CDC34: variants seen among roughly 807,000 people sequenced by gnomAD.
CDC34 encodes the protein cell division cycle 34, ubiquitin conjugating enzyme, also known as ubiquitin-conjugating enzyme E2 R1.
A neutral mutation model predicts 26.8 loss-of-function variants in CDC34; 18 were observed. The observed-to-expected ratio is 0.67, with a 90% CI of 0.47 to 1.00. The LOEUF is 1.00. Among genes scored for constraint, CDC34 ranks in the 50% least tolerant of loss-of-function variants. The pLI, the probability that CDC34 is intolerant of heterozygous loss-of-function variation, is 0.00. For missense variants in CDC34, 280 were observed against 334.5 expected (o/e 0.84, Z 1.27); for synonymous variants, 178 against 147.5 (o/e 1.21, Z -1.50).
chr19:533,248 C>T (rs1390283828), intron 1 of CDC34, among the ~76,000 whole-genome samples: 1 of 152,306 alleles, frequency 6.6e-6, no homozygotes, highest in Middle Eastern at 3.4e-3. Context: ...ACCGTCACTT[C>T]CTGCCAAGAG....
chr19:535,385 C>T (rs1054930104), intron 1 of CDC34, among the ~76,000 whole-genome samples: 2 of 152,254 alleles, frequency 1.3e-5, no homozygotes, highest in Non-Finnish European at 2.9e-5. Flanking sequence ...GCTAACCCTC[C>T]CCACACCCTG....
At chr19:534,197 A>G (rs1026333803) in intron 1 of CDC34, among the ~76,000 whole-genome samples, 4 of 152,104 alleles carry the variant, frequency 2.6e-5, no homozygotes, top group African/African-American at 7.2e-5. Flanking sequence ...GTCTTGGGGA[A>G]CCGCAGGACA....
chr19:533,680 G>A (rs372336362), intron 1 of CDC34, among the ~76,000 whole-genome samples: 6 of 152,246 alleles, frequency 3.9e-5, no homozygotes, highest in Non-Finnish European at 7.3e-5. Context: ...CCACCAGACC[G>A]GTTGCCAGGG....
intron 1 of CDC34, 57 bp from the exon 2 acceptor site, chr19:535,780 G>GC (rs1179710208): frequency 1.5e-6 from 2 of 1,375,068 alleles, no homozygotes; most frequent in Non-Finnish European, 1.0e-6. Flanking sequence ...CACCTTGTGA[G>GC]CTGGGGCAGG....
chr19:541,837 G>A lies in CDC34; in HGVS notation c.*285G>A, dbSNP rs1297910051. Reference sequence around the variant, plus strand: ...AGGGGAGCTGAGCCCGACTTCTACCGGGGTCCCCCAGCTTCCGGACTGGCC... The same window carrying A: ...AGGGGAGCTGAGCCCGACTTCTACCAGGGTCCCCCAGCTTCCGGACTGGCC... On this transcript the variant is annotated 3_prime_UTR_variant, in exon 5 of 5. Transcript: ENST00000215574. The A allele has an allele frequency of 2.3e-5, 6 of 257,194 alleles. No individual in the cohort carries two copies. Among genetic ancestry groups the A allele is most frequent in the Middle Eastern group, 1.1e-3 (1 of 876 alleles). The allele number at this position is 257,194 out of a possible 1,614,324, so 15.9% of individuals were successfully genotyped here.
chr19:541,584 C>A lies in CDC34; in HGVS notation c.*32C>A. The A allele has an allele frequency of 6.5e-7, 1 of 1,536,018 alleles. No individual in the cohort carries two copies. The highest frequency in any genetic ancestry group is 8.8e-7 in the Non-Finnish European group (1 of 1,138,642). On this transcript the variant is annotated 3_prime_UTR_variant, in exon 5 of 5. Transcript: ENST00000215574. Reference sequence around the variant, plus strand: ...CAGAATAAACTTGCCGAGTTTACCTCACTAGGGCCGGACCCGTGGCTCCTT... The same window carrying A: ...CAGAATAAACTTGCCGAGTTTACCTAACTAGGGCCGGACCCGTGGCTCCTT...
intron 4 of CDC34, among the ~76,000 whole-genome samples, chr19:538,005 A>G (rs1979839075): frequency 6.6e-6 from 1 of 151,762 alleles, no homozygotes; most frequent in Non-Finnish European, 1.5e-5. Flanking sequence ...AGTTTAACGC[A>G]TGTCTGTGCT....
rs1165104526 is a variant in CDC34 at position 541,427 on chromosome 19, G to T, written c.586G>T (p.Ala196Ser). The change falls in exon 5 of 5, where the codon GCG (alanine) becomes TCG (serine). Residue 196 changes from alanine (A) to serine (S), a missense_variant. Ala to Ser is a moderately conservative substitution (Grantham distance 99). Coordinates refer to ENST00000215574, the MANE Select transcript of CDC34 (RefSeq NM_004359.2). ...TLAEYCVKTK[A>S]PAPDEGSDLF... ...GGCCGAGTACTGCGTGAAGACCAAG[G>T]CGCCGGCGCCCGACGAGGGCTCAGA... 1 of 1,612,642 alleles carries T rather than the reference G, an allele frequency of 6.2e-7. No individual in the cohort carries two copies. The highest frequency in any genetic ancestry group is 1.7e-5 in the Admixed American group (1 of 59,996).
intron 3 of CDC34, chr19:536,805 C>T (rs1979776842): frequency 6.6e-6 from 4 of 607,812 alleles, no homozygotes; most frequent in Non-Finnish European, 1.2e-5. Context: ...ACCTTGCTGC[C>T]CTCCCTGGTC....
chr19:536,378 C>T lies in CDC34; in HGVS notation c.362+38C>T, dbSNP rs556361125. 1.8e-5 allele frequency: 27 copies of T among 1,488,686 alleles called. 1 individual carries two copies. In the South Asian group the frequency reaches 3.0e-4, roughly 17 times the overall value. 92.2% of individuals were successfully genotyped at this position (1,488,686 alleles called of 1,614,324 possible). ...AACCCCCTGTGTCCACCCAGAACATCAGGTAGGCCGGGCTCCGTCCCGTAT... is the reference window on the plus strand; with the variant it reads ...AACCCCCTGTGTCCACCCAGAACATTAGGTAGGCCGGGCTCCGTCCCGTAT... On this transcript the variant is annotated intron_variant, in intron 3 of 4. Transcript: ENST00000215574.
chr19:538,032 G>A (rs1240543437), intron 4 of CDC34, among the ~76,000 whole-genome samples: 1 of 152,108 alleles, frequency 6.6e-6, no homozygotes, highest in African/African-American at 2.4e-5. Flanking sequence ...AAGAAATGGG[G>A]TCGTGCTGTG....
chr19:539,105 A>G, intron 4 of CDC34: 1 of 790,888 alleles, frequency 1.3e-6, no homozygotes, highest in Non-Finnish European at 1.5e-6. Context: ...CTGTTTTTTC[A>G]TCTGTGTGCG....
chr19:536,415 A>T, intron 3 of CDC34, 75 bp downstream of exon 3: 1 of 1,162,556 alleles, frequency 8.6e-7, no homozygotes, highest in Non-Finnish European at 1.2e-6. Context: ...CACCCAGACC[A>T]TCAGGTAGGC....
intron 1 of CDC34, among the ~76,000 whole-genome samples, chr19:533,555 C>G (rs1979595251): frequency 6.6e-6 from 1 of 152,234 alleles, no homozygotes; most frequent in Admixed American, 6.5e-5. Context: ...CCGCCAGCCC[C>G]TTCTGTCTGC....
chr19:537,036 C>G lies in CDC34; in HGVS notation c.386C>G (p.Ser129Cys). The G allele has an allele frequency of 6.2e-7, 1 of 1,613,838 alleles. No individual in the cohort carries two copies. The highest frequency in any genetic ancestry group is 8.5e-7 in the Non-Finnish European group (1 of 1,180,004). ...AGGACCATTCTCCTGAGTGTGATCT[C>G]CCTCCTGAACGAGCCCAACACCTTC... Reference protein sequence around the residue: ...NVRTILLSVISLLNEPNTFSP... With the variant: ...NVRTILLSVICLLNEPNTFSP... Residue 129 changes from serine (S) to cysteine (C), a missense_variant, in exon 4 of 5, where the codon TCC (serine) becomes TGC (cysteine). Coordinates refer to ENST00000215574, the MANE Select transcript of CDC34 (RefSeq NM_004359.2).
intron 1 of CDC34, among the ~76,000 whole-genome samples, chr19:534,116 G>A (rs1979617204): frequency 1.3e-5 from 2 of 152,182 alleles, no homozygotes; most frequent in South Asian, 4.1e-4. Context: ...GTGGGGTTTG[G>A]TACAGATGAG....
At position 541,478 on chromosome 19, in the gene CDC34, G is replaced by A. The variant is rs1353727792; in HGVS notation, c.637G>A (p.Asp213Asn). 6.2e-7 allele frequency: 1 copy of A among 1,612,148 alleles called. No individual in the cohort carries two copies. Among genetic ancestry groups the A allele is most frequent in the East Asian group, 2.2e-5 (1 of 44,838 alleles). ...SDLFYDDYYE[D>N]GEVEEEADSC... is the part of the protein sequence containing the mutation. ...CCTCTTCTACGACGACTACTACGAG[G>A]ACGGCGAGGTGGAGGAGGAGGCCGA... is the stretch of plus-strand genomic sequence containing the variant. The change falls in exon 5 of 5, where the codon GAC becomes AAC. Residue 213 changes from aspartate to asparagine, a missense_variant. Coordinates refer to ENST00000215574, the MANE Select transcript of CDC34 (RefSeq NM_004359.2).
At position 535,825 on chromosome 19, in the gene CDC34, C is replaced by T; in HGVS notation, c.178-12C>T. ...TGGGCTGGACTGAGCCACCTGCCTT[C>T]TGCCCCTGCAGGCGCGCCTCAAGTT... On this transcript the variant is annotated splice_polypyrimidine_tract_variant and intron_variant, in intron 1 of 4. Coordinates refer to ENST00000215574, the MANE Select transcript of CDC34 (RefSeq NM_004359.2). The T allele has an allele frequency of 1.2e-6, 2 of 1,611,150 alleles. No individual in the cohort carries two copies. Among genetic ancestry groups the T allele is most frequent in the East Asian group, 2.2e-5 (1 of 44,868 alleles).
Position 536,308 on chromosome 19 carries a change from C to T in CDC34, c.330C>T (p.Pro110=), listed in dbSNP as rs1409980604. The stretch of plus-strand genomic sequence containing the variant: ...ACGACCCCCAGAGCGGGGAGCTGCC[C>T]TCAGAGAGGTGGAACCCCACGCAGA... The part of the protein sequence containing the change: ...PVDDPQSGEL[P]SERWNPTQNV... The change falls in exon 3 of 5, where the codon CCC becomes CCT. Residue 110 remains proline (P), a synonymous_variant. Transcript: ENST00000215574. The T allele has an allele frequency of 1.2e-6, 2 of 1,612,498 alleles. No homozygotes were observed. Among genetic ancestry groups the T allele is most frequent in the Admixed American group, 1.7e-5 (1 of 59,948 alleles).
Sources: allele counts gnomAD v4.1 joint callset (sites outside exome capture counted in the v4.1 genomes callset), GRCh38; gene constraint gnomAD v4.1.1; transcripts MANE v1.5; gene names NCBI Gene and HGNC (gene_info 2026-07-23, HGNC 2026-07-21).